The following ACSL1 variants were observed in gnomAD, a reference collection of about 807,000 sequenced individuals.
ACSL1 encodes long-chain-fatty-acid--CoA ligase 1.
ACSL1 carries 41 observed loss-of-function variants against 98.4 expected under a neutral mutation model. The observed-to-expected ratio is 0.42, with a 90% CI of 0.32 to 0.54. The LOEUF is 0.54. Among genes scored for constraint, ACSL1 ranks in the 20% least tolerant of loss-of-function variants. The probability of loss-of-function intolerance (pLI) is 0.13; values close to 1 mark genes in which losing one functional copy is unlikely to be tolerated. For synonymous variants in ACSL1, 316 were observed against 322.7 expected (o/e 0.98, Z 0.22); for missense variants, 734 against 883.1 (o/e 0.83, Z 2.14).
chr4:184,788,897 CATTGTT>C lies in ACSL1; in HGVS notation c.196-172_196-167del, dbSNP rs1161396865. 3.3e-5 allele frequency among the ~76,000 whole-genome samples: 5 copies of C among 152,250 alleles called. No homozygotes were observed. The East Asian group carries it at 9.6e-4, about 29-fold the overall frequency. ...TCTTAGTAATTTCAGGTATATGGTA[CATTGTT>C]ATTAACTACAGTCACCAACTAATAG... On this transcript the variant is annotated intron_variant, in intron 2 of 20. Transcript: ENST00000281455.
chr4:184,786,420 A>ATG (rs1767321503), intron 3 of ACSL1, among the ~76,000 whole-genome samples: 1 of 17,272 alleles, frequency 5.8e-5, no homozygotes, highest in Non-Finnish European at 1.9e-4. Context: ...GTGGCAAAGC[A>ATG]CACACACACA....
chr4:184,795,078 T>C (rs735949), intron 2 of ACSL1, among the ~76,000 whole-genome samples: 15,389 of 152,248 alleles, frequency 0.1, 952 homozygotes, highest in Non-Finnish European at 0.14. Flanking sequence ...TTCCTACAAA[T>C]ACACATTGTT....
At chr4:184,781,890 C>T (rs1054551096) in intron 4 of ACSL1, among the ~76,000 whole-genome samples, 5 of 152,210 alleles carry the variant, frequency 3.3e-5, no homozygotes, top group East Asian at 1.9e-4. Flanking sequence ...GGATTATAGG[C>T]GTGAGCCATA....
intron 2 of ACSL1, among the ~76,000 whole-genome samples, chr4:184,799,242 G>A (rs1326924673): frequency 2.7e-5 from 4 of 150,178 alleles, no homozygotes; most frequent in African/African-American, 7.3e-5. Flanking sequence ...TCAGCCTCCC[G>A]AGTAGCTGGG....
rs758268074 is a variant in ACSL1, at chr4:184,784,032, T to A, written c.311-41A>T. 4 of 1,503,756 alleles carry A rather than the reference T, an allele frequency of 2.7e-6. No homozygotes were observed. The South Asian group carries it at 4.5e-5, about 17-fold the overall frequency. 93.2% of individuals were successfully genotyped at this position (1,503,756 alleles called of 1,614,324 possible). A position where few individuals can be genotyped will look rare whatever the true frequency, so the allele number is the denominator to read the frequency against. ...AAACAACAGATGGGCTGAACGTACA[T>A]AAATATTCCTAGATTTTAATTTGTA... On this transcript the variant is annotated intron_variant, in intron 3 of 20. Coordinates refer to ENST00000281455, the MANE Select transcript of ACSL1 (RefSeq NM_001995.5).
At chr4:184,823,288 T>C (rs985176822) in intron 1 of ACSL1, among the ~76,000 whole-genome samples, 3 of 151,912 alleles carry the variant, frequency 2.0e-5, no homozygotes, top group African/African-American at 7.2e-5. Context: ...CTTTTCTATT[T>C]TGTAGTACAG....
intron 1 of ACSL1, among the ~76,000 whole-genome samples, chr4:184,817,650 C>G (rs28728235): frequency 0.023 from 3,532 of 152,196 alleles, 143 homozygotes; most frequent in African/African-American, 0.079. Flanking sequence ...GGCAGAGGGA[C>G]AGTGCCTGCA....
At chr4:184,791,548 G>A (rs1310742303) in intron 2 of ACSL1, among the ~76,000 whole-genome samples, 3 of 152,244 alleles carry the variant, frequency 2.0e-5, no homozygotes, top group Non-Finnish European at 4.4e-5. Flanking sequence ...CCCTCCAGGG[G>A]ATGCTAAAGT....
chr4:184,773,390 A>C lies in ACSL1; in HGVS notation c.842-236T>G, dbSNP rs1764795290. 6.6e-6 allele frequency among the ~76,000 whole-genome samples: 1 copy of C among 152,146 alleles called. No individual in the cohort carries two copies. The highest frequency in any genetic ancestry group is 6.5e-5 in the Admixed American group (1 of 15,278). ...TATACGTAGTCATAAGAGAAGAAAA[A>C]CCAGAAATTTTCTTCCTGGGAGCCA... On this transcript the variant is annotated intron_variant, in intron 9 of 20. Transcript: ENST00000281455. The surrounding 1 kb of genome is among the most constrained non-coding windows in gnomAD (Gnocchi z 4.3).
chr4:184,819,140 C>CTTTTTT (rs10538881), intron 1 of ACSL1, among the ~76,000 whole-genome samples: 2 of 129,792 alleles, frequency 1.5e-5, no homozygotes, highest in East Asian at 4.3e-4. Flanking sequence ...TTTAGATGTA[C>CTTTTTT]TTTTTTTTTT....
At position 184,757,931 on chromosome 4, in the gene ACSL1, GAC is replaced by G. The variant is rs745950811; in HGVS notation, c.1783-13_1783-12del. The G allele has an allele frequency of 1.2e-6, 2 of 1,609,050 alleles. No homozygotes were observed. Among genetic ancestry groups the G allele is most frequent in the Non-Finnish European group, 1.7e-6 (2 of 1,175,676 alleles). On this transcript the variant is annotated splice_polypyrimidine_tract_variant and intron_variant, in intron 18 of 20. Transcript: ENST00000281455. This position sits in a 1 kb window ranked among gnomAD's most constrained non-coding sequence, Gnocchi z 4.5. The stretch of plus-strand genomic sequence containing the variant: ...TGCAATGAGAAATGCCTTTAACACA[GAC>G]AAATGAGTTATTACATAGCTTGATC...
intron 1 of ACSL1, among the ~76,000 whole-genome samples, chr4:184,804,042 T>C (rs1336778031): frequency 3.3e-5 from 5 of 152,218 alleles, no homozygotes; most frequent in East Asian, 3.9e-4. Context: ...GTTCCCAAAC[T>C]GGTTAAACAC....
Position 184,825,165 on chromosome 4 carries a change from C to T in ACSL1, c.-33+751G>A. 1 of 985,324 alleles carries T rather than the reference C, an allele frequency of 1.0e-6. No homozygotes were observed. Among genetic ancestry groups the T allele is most frequent in the Non-Finnish European group, 1.2e-6 (1 of 829,852 alleles). 61.0% of individuals were successfully genotyped at this position (985,324 alleles called of 1,614,324 possible). ...GGGGTTTCCACACTCTCACAACGCA[C>T]CGACTGGGGGAACGCCTGTCCCCAG... On this transcript the variant is annotated intron_variant, in intron 1 of 20. Coordinates refer to ENST00000281455, the MANE Select transcript of ACSL1 (RefSeq NM_001995.5). The surrounding 1 kb of genome is among the most constrained non-coding windows in gnomAD (Gnocchi z 4.7).
intron 1 of ACSL1, among the ~76,000 whole-genome samples, chr4:184,820,334 G>A (rs992382434): frequency 3.3e-5 from 5 of 152,108 alleles, no homozygotes; most frequent in Non-Finnish European, 7.4e-5. Flanking sequence ...CGTCTCAATT[G>A]TTCTCCAGCC....
chr4:184,786,752 G>A (rs1767439020), intron 3 of ACSL1, among the ~76,000 whole-genome samples: 1 of 138,272 alleles, frequency 7.2e-6, no homozygotes, highest in Non-Finnish European at 1.5e-5. Flanking sequence ...GGAGTACAAT[G>A]GTGCAATCCT....
chr4:184,821,256 G>A lies in ACSL1; in HGVS notation c.-33+4660C>T, dbSNP rs879670715. On this transcript the variant is annotated intron_variant, in intron 1 of 20. Coordinates refer to ENST00000281455, the MANE Select transcript of ACSL1 (RefSeq NM_001995.5). ...GGACCCTGAAGGAGAAACTAGCTCC[G>A]GAAGCACTTTCTCATGACTCTGCTT... 15 of 360,214 alleles carry A rather than the reference G, an allele frequency of 4.2e-5. 1 individual carries two copies. Among genetic ancestry groups the A allele is most frequent in the Middle Eastern group, 8.7e-4 (1 of 1,150 alleles). The allele number at this position is 360,214 out of a possible 1,614,324, so 22.3% of individuals were successfully genotyped here.
intron 1 of ACSL1, among the ~76,000 whole-genome samples, chr4:184,813,310 G>A (rs1772306329): frequency 6.6e-6 from 1 of 152,162 alleles, no homozygotes; most frequent in Admixed American, 6.6e-5. Flanking sequence ...CTAAGCAACT[G>A]TTGTAGATAT....
intron 2 of ACSL1, among the ~76,000 whole-genome samples, chr4:184,797,205 G>A (rs749069752): frequency 5.9e-5 from 9 of 152,244 alleles, no homozygotes; most frequent in African/African-American, 1.4e-4. Flanking sequence ...AGGGTGTCTC[G>A]CCGCCCTTAG....
At position 184,773,588 on chromosome 4, in the gene ACSL1, G is replaced by T; in HGVS notation, c.841+75C>A. 1.4e-6 allele frequency: 2 copies of T among 1,396,428 alleles called. No homozygotes were observed. The allele number at this position is 1,396,428 out of a possible 1,614,324, so 86.5% of individuals were successfully genotyped here. ...TGGTCCGTCTACTGTTAGCTGATAA[G>T]TCATCCAAAAGAGGTAGGGGAGAGT... is the stretch of plus-strand genomic sequence containing the variant. On this transcript the variant is annotated intron_variant, in intron 9 of 20. Coordinates refer to ENST00000281455, the MANE Select transcript of ACSL1 (RefSeq NM_001995.5). The surrounding 1 kb of genome is among the most constrained non-coding windows in gnomAD (Gnocchi z 4.3).
Sources: gnomAD v4.1 joint callset for allele counts (sites outside exome capture counted in the v4.1 genomes callset) on GRCh38, gnomAD v4.1.1 for gene constraint, Gnocchi (gnomAD v3.1) non-coding constraint, MANE v1.5 for transcripts, NCBI Gene and HGNC (gene_info 2026-07-23, HGNC 2026-07-21) for gene names.